ACTR3B: variants seen among roughly 807,000 people sequenced by gnomAD.
The protein encoded by ACTR3B is actin-related protein 3B.
A neutral mutation model predicts 59.0 loss-of-function variants in ACTR3B; 8 were observed. The observed-to-expected ratio is 0.14, with a 90% CI of 0.08 to 0.24. The LOEUF (loss-of-function observed/expected upper bound fraction) is 0.24, where lower values mean the gene tolerates loss of function less well. Among genes scored for constraint, ACTR3B ranks in the 10% least tolerant of loss-of-function variants. The probability of loss-of-function intolerance (pLI) is 1.00; values close to 1 mark genes in which losing one functional copy is unlikely to be tolerated. For missense variants in ACTR3B, 245 were observed against 552.3 expected (o/e 0.44, Z 5.58); for synonymous variants, 148 against 197.9 (o/e 0.75, Z 2.12).
intron 9 of ACTR3B, among the ~76,000 whole-genome samples, chr7:152,833,962 G>T (rs1294583496): frequency 6.6e-6 from 1 of 152,130 alleles, no homozygotes; most frequent in Non-Finnish European, 1.5e-5. Context: ...GGGAAGCAAG[G>T]TGTGCCGTGA....
rs1304317618 is a variant in ACTR3B at position 152,854,348 on chromosome 7, G to A, written c.1162-110G>A. 12 of 919,850 alleles carry A rather than the reference G, an allele frequency of 1.3e-5. No homozygotes were observed. The highest frequency in any genetic ancestry group is 1.8e-6 in the Non-Finnish European group (1 of 564,108). 57.0% of individuals were successfully genotyped at this position (919,850 alleles called of 1,614,324 possible). ...TAAAATCTTGCAGCAGCGGTCCTGG[G>A]AGGGAGGGTGGAGGCCGGGATGAGG... On this transcript the variant is annotated intron_variant, in intron 11 of 11. Coordinates refer to ENST00000256001, the MANE Select transcript of ACTR3B (RefSeq NM_020445.6). The surrounding 1 kb of genome is among the most constrained non-coding windows in gnomAD (Gnocchi z 4.9).
chr7:152,797,918 T>C (rs1416707701), intron 2 of ACTR3B, among the ~76,000 whole-genome samples: 1 of 152,258 alleles, frequency 6.6e-6, no homozygotes, highest in South Asian at 2.1e-4. Flanking sequence ...AGCCACATTT[T>C]CTTTATCTGT....
chr7:152,806,019 A>G (rs1054639566), intron 4 of ACTR3B, among the ~76,000 whole-genome samples: 1 of 152,314 alleles, frequency 6.6e-6, no homozygotes, highest in South Asian at 2.1e-4. Context: ...AAAAATGTTT[A>G]TGTAGCTTGC....
chr7:152,816,203 T>C (rs868238332), intron 5 of ACTR3B, among the ~76,000 whole-genome samples: 1 of 152,230 alleles, frequency 6.6e-6, no homozygotes, highest in African/African-American at 2.4e-5. Flanking sequence ...TACCTTAGCC[T>C]CCCAAAGTTT....
At chr7:152,821,328 A>G (rs992580273) in intron 7 of ACTR3B, among the ~76,000 whole-genome samples, 2 of 152,234 alleles carry the variant, frequency 1.3e-5, no homozygotes, top group Admixed American at 1.3e-4. Flanking sequence ...TCTGTTAGAA[A>G]TGTAAGTCAG....
intron 4 of ACTR3B, among the ~76,000 whole-genome samples, chr7:152,807,270 A>G (rs1327277796): frequency 1.3e-5 from 2 of 152,204 alleles, no homozygotes; most frequent in Non-Finnish European, 2.9e-5. Context: ...TCACATTAAC[A>G]TAGGTACTGT....
In ACTR3B at chr7:152,845,204, G is replaced by A. The variant is rs574058075; in HGVS notation, c.952-6922G>A. Among the ~76,000 whole-genome samples the A allele has an allele frequency of 8.6e-3, 1,260 of 147,348 alleles. 7 individuals are homozygous for A. The highest frequency in any genetic ancestry group is 9.6e-3 in the African/African-American group (386 of 40,380). The stretch of plus-strand genomic sequence containing the variant: ...GTATATGCTGGGTAATATAATATAC[G>A]TTATAACCTGGACTCAGAGCACCCC... On this transcript the variant is annotated intron_variant, in intron 9 of 11. Coordinates refer to ENST00000256001, the MANE Select transcript of ACTR3B (RefSeq NM_020445.6).
intron 4 of ACTR3B, among the ~76,000 whole-genome samples, chr7:152,806,861 T>A (rs2046582437): frequency 6.6e-6 from 1 of 152,252 alleles, no homozygotes; most frequent in South Asian, 2.1e-4. Context: ...GTCACAAACT[T>A]GCAGTGTTGG....
At position 152,814,717 on chromosome 7, in the gene ACTR3B, A is replaced by C; in HGVS notation, c.432+72A>C. 3 of 1,288,070 alleles carry C rather than the reference A, an allele frequency of 2.3e-6. No homozygotes were observed. In the South Asian group the frequency reaches 4.1e-5, roughly 18 times the overall value. The allele number at this position is 1,288,070 out of a possible 1,614,324, so 79.8% of individuals were successfully genotyped here. A position where few individuals can be genotyped will look rare whatever the true frequency, so the allele number is the denominator to read the frequency against. ...GTAGCGGAAGAAATGGTATTTCCCAAGGTTCTCCGCTGGAAGACTGCGCTG... is the reference window on the plus strand; with the variant it reads ...GTAGCGGAAGAAATGGTATTTCCCACGGTTCTCCGCTGGAAGACTGCGCTG... On this transcript the variant is annotated intron_variant, in intron 5 of 11. Coordinates refer to ENST00000256001, the MANE Select transcript of ACTR3B (RefSeq NM_020445.6).
chr7:152,773,859 G>A (rs973112743), intron 1 of ACTR3B, among the ~76,000 whole-genome samples: 4 of 152,146 alleles, frequency 2.6e-5, no homozygotes, highest in Non-Finnish European at 4.4e-5. Context: ...AGTGTGGGGC[G>A]GGAGAGGGTC....
At chr7:152,836,667 A>C (rs1797482885) in intron 9 of ACTR3B, among the ~76,000 whole-genome samples, 1 of 151,762 alleles carries the variant, frequency 6.6e-6, no homozygotes, top group Non-Finnish European at 1.5e-5. Context: ...ATTACTTTGA[A>C]AACAGTATTA....
intron 4 of ACTR3B, among the ~76,000 whole-genome samples, chr7:152,802,241 G>C (rs371701766): frequency 1.9e-4 from 29 of 152,276 alleles, no homozygotes; most frequent in African/African-American, 7.0e-4. Context: ...TCTCCTTGGA[G>C]TGGGGACCAG....
intron 1 of ACTR3B, among the ~76,000 whole-genome samples, chr7:152,760,917 G>C (rs1353328006): frequency 6.6e-6 from 1 of 151,918 alleles, no homozygotes; most frequent in Non-Finnish European, 1.5e-5. Flanking sequence ...TTTCAAGAAG[G>C]GATTTTAATC....
At chr7:152,761,839 A>G (rs1234879590) in intron 1 of ACTR3B, among the ~76,000 whole-genome samples, 2 of 152,210 alleles carry the variant, frequency 1.3e-5, no homozygotes, top group African/African-American at 2.4e-5. Flanking sequence ...AAATTCAGAT[A>G]AAAATAACCA....
chr7:152,789,324 C>T (rs1192798717), intron 2 of ACTR3B, among the ~76,000 whole-genome samples: 1 of 149,002 alleles, frequency 6.7e-6, no homozygotes, highest in Non-Finnish European at 1.5e-5. Flanking sequence ...CCCAGGAGAT[C>T]GAGGCTGGAG....
intron 4 of ACTR3B, among the ~76,000 whole-genome samples, chr7:152,805,698 ACCAGTGTAGACCTAG>A (rs566445801): frequency 2.3e-3 from 357 of 152,098 alleles, no homozygotes; most frequent in Middle Eastern, 6.8e-3. Context: ...CACTTCACTA[ACCAGTGTAGACCTAG>A]CCAGTGTAGA....
At chr7:152,841,309 C>CT (rs1797855525) in intron 9 of ACTR3B, among the ~76,000 whole-genome samples, 1 of 117,482 alleles carries the variant, frequency 8.5e-6, no homozygotes, top group African/African-American at 3.1e-5. Flanking sequence ...GAAGCTCTCG[C>CT]TTTCTCCCAG....
At chr7:152,850,735 A>G (rs1384452349) in intron 9 of ACTR3B, among the ~76,000 whole-genome samples, 1 of 151,984 alleles carries the variant, frequency 6.6e-6, no homozygotes, top group African/African-American at 2.4e-5. Flanking sequence ...ATAACTTAGA[A>G]CCTGGGTTGC....
rs567640242 is a variant in ACTR3B at position 152,804,852 on chromosome 7, C to T, written c.336+3121C>T. On this transcript the variant is annotated intron_variant, in intron 4 of 11. Coordinates refer to ENST00000256001, the MANE Select transcript of ACTR3B (RefSeq NM_020445.6). ...AGGTTGCCCTCAGTCCAGCACTTTG[C>T]TCCCAGTCCCAGTATGTTGAAGCTG... Among the ~76,000 whole-genome samples the T allele has an allele frequency of 1.1e-3, 161 of 152,240 alleles. 1 individual carries two copies. The highest frequency in any genetic ancestry group is 3.7e-3 in the African/African-American group (155 of 41,538).
Sources: gnomAD v4.1 joint callset for allele counts (sites outside exome capture counted in the v4.1 genomes callset) on GRCh38, gnomAD v4.1.1 for gene constraint, Gnocchi (gnomAD v3.1) non-coding constraint, MANE v1.5 for transcripts, NCBI Gene and HGNC (gene_info 2026-07-23, HGNC 2026-07-21) for gene names.